POLK: variants seen among roughly 807,000 people sequenced by gnomAD.
The protein encoded by POLK is DNA polymerase kappa, also known as polymerase (DNA directed) kappa.
POLK carries 76 observed loss-of-function variants against 94.0 expected under a neutral mutation model. That is an observed-to-expected ratio of 0.81 (90% CI 0.67 to 0.98). The LOEUF is 0.98. Among genes scored for constraint, POLK ranks in the 50% least tolerant of loss-of-function variants. The pLI is 0.00. For synonymous variants in POLK, 349 were observed against 325.4 expected, an observed-to-expected ratio of 1.07 and a Z score of -0.78; for missense variants, 954 against 1,010.1, an observed-to-expected ratio of 0.94 and a Z score of 0.75.
At chr5:75,520,240 T>C (rs1768507845) in intron 1 of POLK, among the ~76,000 whole-genome samples, 1 of 152,236 alleles carries the variant, frequency 6.6e-6, no homozygotes. Context: ...ATTTTTATAT[T>C]GCCTGTCTCT....
At chr5:75,543,452 A>G (rs1049118292) in intron 1 of POLK, among the ~76,000 whole-genome samples, 1 of 152,184 alleles carries the variant, frequency 6.6e-6, no homozygotes, top group Non-Finnish European at 1.5e-5. Flanking sequence ...AGAGGGGTCA[A>G]CGATGACTCC....
Position 75,547,046 on chromosome 5 carries a change from T to G in POLK, c.24T>G (p.Cys8Trp), listed in dbSNP as rs749497296. 8 of 1,531,110 alleles carry G rather than the reference T, an allele frequency of 5.2e-6. No individual in the cohort carries two copies. In the South Asian group the frequency reaches 8.4e-5, roughly 16 times the overall value. The allele number at this position is 1,531,110 out of a possible 1,614,324, so 94.8% of individuals were successfully genotyped here. A position where few individuals can be genotyped will look rare whatever the true frequency, so the allele number is the denominator to read the frequency against. The change falls in exon 2 of 15, where the codon TGT becomes TGG. Residue 8 changes from cysteine (C) to tryptophan (W), a missense_variant. By Grantham distance (215) the Cys-to-Trp change is radical (BLOSUM62 -2). Transcript: ENST00000241436. ...CCATGGATAGCACAAAGGAGAAGTG[T>G]GACAGTTACAAAGATGATCTTCTGC...
chr5:75,563,389 T>C (rs1364415380), intron 3 of POLK, among the ~76,000 whole-genome samples: 1 of 152,300 alleles, frequency 6.6e-6, no homozygotes, highest in East Asian at 1.9e-4. Context: ...TTCGTGTCTC[T>C]ATCTCCTTCA....
intron 1 of POLK, among the ~76,000 whole-genome samples, chr5:75,544,272 A>G (rs1041245474): frequency 1.3e-5 from 2 of 152,130 alleles, no homozygotes; most frequent in African/African-American, 4.8e-5. Flanking sequence ...CTTCAGTCTC[A>G]GCTATTTCGG....
chr5:75,511,310 G>T (rs752835961), upstream of POLK: 8 of 1,552,666 alleles, frequency 5.2e-6, no homozygotes, highest in Non-Finnish European at 5.2e-6. Flanking sequence ...GCGAAGCGAA[G>T]AGTGCCCGCT....
chr5:75,511,853 G>A (rs2112497598), exon 1 of POLK: 1 of 1,543,278 alleles, frequency 6.5e-7, no homozygotes. Flanking sequence ...ATTCTGGGAA[G>A]GGCGTTGGTC....
At chr5:75,525,979 T>G (rs1207955080) in intron 1 of POLK, among the ~76,000 whole-genome samples, 1 of 152,180 alleles carries the variant, frequency 6.6e-6, no homozygotes, top group African/African-American at 2.4e-5. Context: ...TAAAGACACT[T>G]AAATGAAATA....
chr5:75,540,298 T>A (rs1443534845), intron 1 of POLK, among the ~76,000 whole-genome samples: 2 of 151,248 alleles, frequency 1.3e-5, no homozygotes, highest in African/African-American at 4.9e-5. Flanking sequence ...TTTTTTTTTT[T>A]AAAGACACAG....
At chr5:75,550,666 A>T (rs186005911) in intron 2 of POLK, among the ~76,000 whole-genome samples, 9 of 152,312 alleles carry the variant, frequency 5.9e-5, no homozygotes, top group African/African-American at 2.2e-4. Context: ...CCACACGATC[A>T]TCTTAGTAGA....
At chr5:75,576,919 G>A in exon 6 of POLK, 1 of 1,555,062 alleles carries the variant, frequency 6.4e-7, no homozygotes, top group Non-Finnish European at 8.6e-7. Flanking sequence ...AAAATGGGAA[G>A]CTCTGTAGAA....
chr5:75,519,412 T>G (rs532210678), intron 1 of POLK, among the ~76,000 whole-genome samples: 1 of 152,282 alleles, frequency 6.6e-6, no homozygotes, highest in Admixed American at 6.5e-5. Context: ...TTTGGTCTAG[T>G]TTAACTCCCC....
At chr5:75,586,309 A>C (rs538239406) in intron 9 of POLK, among the ~76,000 whole-genome samples, 6 of 152,192 alleles carry the variant, frequency 3.9e-5, no homozygotes, top group Admixed American at 3.9e-4. Flanking sequence ...CATATTTACT[A>C]CTATATTTGT....
chr5:75,573,701 T>C (rs373628148), intron 4 of POLK, 37 bp from the exon 5 acceptor site: 4 of 1,563,980 alleles, frequency 2.6e-6, no homozygotes, highest in Non-Finnish European at 3.5e-6. Flanking sequence ...CCATTTAGGT[T>C]TGTGTATTTT....
intron 10 of POLK, among the ~76,000 whole-genome samples, chr5:75,589,979 C>T (rs1225818010): frequency 6.6e-6 from 1 of 152,180 alleles, no homozygotes; most frequent in Non-Finnish European, 1.5e-5. Context: ...ATGATGTTCT[C>T]ATTTGGACTT....
intron 4 of POLK, among the ~76,000 whole-genome samples, chr5:75,570,299 G>A (rs183866119): frequency 3.8e-4 from 58 of 152,158 alleles, no homozygotes; most frequent in Middle Eastern, 3.4e-3. Context: ...ATAAGTAACC[G>A]TTCTAGTTAA....
At chr5:75,597,902 G>A (rs774511619) in intron 14 of POLK, 32 bp from the exon 15 acceptor site, 1 of 1,227,504 alleles carries the variant, frequency 8.1e-7, no homozygotes, top group East Asian at 2.6e-5. Context: ...ATCTCTTCCT[G>A]CATTTTAATT....
At chr5:75,549,038 C>T (rs1236208673) in intron 2 of POLK, among the ~76,000 whole-genome samples, 2 of 152,108 alleles carry the variant, frequency 1.3e-5, no homozygotes, top group African/African-American at 2.4e-5. Context: ...AAATGTTTCA[C>T]TTGTAATGAA....
At chr5:75,565,769 G>A (rs576251615) in intron 3 of POLK, among the ~76,000 whole-genome samples, 1 of 152,164 alleles carries the variant, frequency 6.6e-6, no homozygotes, top group Non-Finnish European at 1.5e-5. Flanking sequence ...TCCCAGAGGG[G>A]CACCATCAGA....
chr5:75,592,336 GTAAT>G (rs960880841), intron 11 of POLK, among the ~76,000 whole-genome samples: 6 of 152,168 alleles, frequency 3.9e-5, no homozygotes, highest in African/African-American at 1.4e-4. Flanking sequence ...TCCTTTGTAG[GTAAT>G]TAATCAACCT....
Sources: gnomAD v4.1 joint callset for allele counts (sites outside exome capture counted in the v4.1 genomes callset) on GRCh38, gnomAD v4.1.1 for gene constraint, MANE v1.5 for transcripts, NCBI Gene and HGNC (gene_info 2026-07-23, HGNC 2026-07-21) for gene names.